NKAIN3: variants seen among roughly 807,000 people sequenced by gnomAD.
The protein encoded by NKAIN3 is sodium/potassium-transporting ATPase subunit beta-1-interacting protein 3.
A neutral mutation model predicts 30.2 loss-of-function variants in NKAIN3; 25 were observed. That is an observed-to-expected ratio of 0.83 (90% CI 0.60 to 1.16). The LOEUF (loss-of-function observed/expected upper bound fraction) is 1.16, where lower values mean the gene tolerates loss of function less well. NKAIN3 is among the 50% of genes most tolerant of loss of function. The pLI, the probability that NKAIN3 is intolerant of heterozygous loss-of-function variation, is 0.00. For synonymous variants in NKAIN3, 91 were observed against 89.6 expected, an observed-to-expected ratio of 1.02 and a Z score of -0.09; for missense variants, 225 against 254.1, an observed-to-expected ratio of 0.89 and a Z score of 0.78.
At chr8:62,425,583 T>C (rs777482956) in intron 1 of NKAIN3, among the ~76,000 whole-genome samples, 7 of 151,934 alleles carry the variant, frequency 4.6e-5, no homozygotes, top group Admixed American at 6.6e-5. Flanking sequence ...TTTGCTGTTA[T>C]TTGACTTGTA....
At chr8:62,672,382 A>G (rs546924630) in intron 3 of NKAIN3, among the ~76,000 whole-genome samples, 1 of 152,330 alleles carries the variant, frequency 6.6e-6, no homozygotes, top group African/African-American at 2.4e-5. Flanking sequence ...ATCCTCACTA[A>G]CAGGACTTAT....
chr8:62,810,037 G>T (rs906855314), intron 4 of NKAIN3, among the ~76,000 whole-genome samples: 1 of 152,080 alleles, frequency 6.6e-6, no homozygotes, highest in African/African-American at 2.4e-5. Flanking sequence ...GGTCCAAGGT[G>T]GAAGTCAGAC....
At chr8:62,941,798 C>A (rs1251895243) in intron 5 of NKAIN3, among the ~76,000 whole-genome samples, 2 of 152,088 alleles carry the variant, frequency 1.3e-5, no homozygotes, top group Non-Finnish European at 2.9e-5. Flanking sequence ...AAACCCACAG[C>A]CAACACTATA....
chr8:62,971,435 G>C lies in NKAIN3; in HGVS notation c.*6028G>C, dbSNP rs560433720. On this transcript the variant is annotated 3_prime_UTR_variant, in exon 7 of 7. Coordinates refer to ENST00000623646, the MANE Select transcript of NKAIN3 (RefSeq NM_001304533.3). ...GCAGATCACTTGAGCTTACGAGTTC[G>C]AGACCAGCCTGAGCAACATGGCAAA... Among the ~76,000 whole-genome samples the C allele has an allele frequency of 6.6e-6, 1 of 151,328 alleles. No individual in the cohort carries two copies. Among genetic ancestry groups the C allele is most frequent in the Non-Finnish European group, 1.5e-5 (1 of 67,642 alleles).
At chr8:62,331,012 CTATATATATGTATGTA>C (rs1815329737) in intron 1 of NKAIN3, among the ~76,000 whole-genome samples, 9 of 140,010 alleles carry the variant, frequency 6.4e-5, no homozygotes, top group East Asian at 2.2e-4. Flanking sequence ...CTCTCTCTCT[CTATATATATGTATGTA>C]TCTCCCTTCC....
chr8:62,435,560 G>C (rs895008548), intron 1 of NKAIN3, among the ~76,000 whole-genome samples: 5 of 152,090 alleles, frequency 3.3e-5, no homozygotes, highest in African/African-American at 9.7e-5. Flanking sequence ...AAGGGGAGTT[G>C]TTGCTAAAAA....
intron 1 of NKAIN3, among the ~76,000 whole-genome samples, chr8:62,320,511 C>G (rs1334909138): frequency 6.6e-6 from 1 of 152,112 alleles, no homozygotes; most frequent in South Asian, 2.1e-4. Flanking sequence ...TTCAGGAGCT[C>G]TTTTAGGGCA....
chr8:62,333,385 A>G (rs1815420729), intron 1 of NKAIN3, among the ~76,000 whole-genome samples: 1 of 152,228 alleles, frequency 6.6e-6, no homozygotes, highest in Non-Finnish European at 1.5e-5. Context: ...CATCGGCCAA[A>G]TGAACACAAT....
At chr8:62,324,851 T>TTC (rs1314113044) in intron 1 of NKAIN3, among the ~76,000 whole-genome samples, 1 of 152,126 alleles carries the variant, frequency 6.6e-6, no homozygotes, top group Non-Finnish European at 1.5e-5. Flanking sequence ...AAATTGGCTA[T>TTC]TCTCTCTCTC....
chr8:62,449,323 C>T (rs1805573919), intron 1 of NKAIN3, among the ~76,000 whole-genome samples: 2 of 151,990 alleles, frequency 1.3e-5, no homozygotes, highest in Admixed American at 6.5e-5. Context: ...TAAATCGTGT[C>T]TAACTTCCTG....
intron 1 of NKAIN3, among the ~76,000 whole-genome samples, chr8:62,288,368 T>C (rs940383693): frequency 1.0e-3 from 153 of 152,270 alleles, no homozygotes; most frequent in Non-Finnish European, 1.9e-3. Context: ...ATTAGGTATA[T>C]CTCCTAATGC....
At chr8:62,553,866 A>G (rs1025033963) in intron 1 of NKAIN3, among the ~76,000 whole-genome samples, 3 of 152,120 alleles carry the variant, frequency 2.0e-5, no homozygotes, top group Non-Finnish European at 4.4e-5. Context: ...ATAAGTTTCT[A>G]AAAATGTACA....
chr8:62,959,642 G>A (rs1276379943), intron 6 of NKAIN3, among the ~76,000 whole-genome samples: 1 of 152,134 alleles, frequency 6.6e-6, no homozygotes, highest in East Asian at 1.9e-4. Context: ...TATTTATCCA[G>A]ATAGAGCACG....
chr8:62,872,436 G>A (rs935227037), intron 4 of NKAIN3, among the ~76,000 whole-genome samples: 1 of 152,158 alleles, frequency 6.6e-6, no homozygotes, highest in Admixed American at 6.5e-5. Context: ...AACATCTAGG[G>A]TATGTAAAGC....
chr8:62,502,926 T>A (rs1232729013), intron 1 of NKAIN3, among the ~76,000 whole-genome samples: 1 of 152,290 alleles, frequency 6.6e-6, no homozygotes, highest in East Asian at 1.9e-4. Flanking sequence ...GAACTTCTTG[T>A]GCAGCTGTAA....
intron 1 of NKAIN3, among the ~76,000 whole-genome samples, chr8:62,323,128 T>G (rs1814995438): frequency 6.6e-6 from 1 of 152,170 alleles, no homozygotes. Flanking sequence ...GGCAGTTTCT[T>G]ATAAATCTAA....
At chr8:62,859,217 G>A (rs1335406620) in intron 4 of NKAIN3, among the ~76,000 whole-genome samples, 1 of 152,078 alleles carries the variant, frequency 6.6e-6, no homozygotes, top group Admixed American at 6.5e-5. Context: ...GTGGGCCATC[G>A]CCCTACCCTG....
intron 1 of NKAIN3, among the ~76,000 whole-genome samples, chr8:62,427,245 A>G (rs898455013): frequency 2.0e-5 from 3 of 152,036 alleles, no homozygotes; most frequent in African/African-American, 7.2e-5. Context: ...ATGGCATTGA[A>G]ACAAAATATT....
rs62508108 is a variant in NKAIN3, at chr8:62,976,478, T to A, written c.*11071T>A. Among the ~76,000 whole-genome samples the A allele has an allele frequency of 0.068, 10,317 of 152,268 alleles. 425 individuals are homozygous for A. The highest frequency in any genetic ancestry group is 0.17 in the South Asian group (817 of 4,816). On this transcript the variant is annotated 3_prime_UTR_variant, in exon 7 of 7. Coordinates refer to ENST00000623646, the MANE Select transcript of NKAIN3 (RefSeq NM_001304533.3). ...TGTTTTGATTTTTGTTGGCTTAAAGTCTGTTTTACCAGAGGCTAAGATTGC... is the reference window on the plus strand; with the variant it reads ...TGTTTTGATTTTTGTTGGCTTAAAGACTGTTTTACCAGAGGCTAAGATTGC...
Sources: gnomAD v4.1 joint callset for allele counts (sites outside exome capture counted in the v4.1 genomes callset) on GRCh38, gnomAD v4.1.1 for gene constraint, MANE v1.5 for transcripts, NCBI Gene and HGNC (gene_info 2026-07-23, HGNC 2026-07-21) for gene names.